The following LRRC40 variants were observed in gnomAD, a reference collection of about 807,000 sequenced individuals.
The protein encoded by LRRC40 is leucine rich repeat containing 40, also known as leucine-rich repeat-containing protein 40.
Under a neutral mutation model 72.8 loss-of-function variants are expected in LRRC40, and 76 were observed. The observed-to-expected ratio is 1.04, with a 90% CI of 0.87 to 1.26. The LOEUF is 1.26. LRRC40 is among the 50% of genes most tolerant of loss of function. The probability of loss-of-function intolerance (pLI) is 0.00; values close to 1 mark genes in which losing one functional copy is unlikely to be tolerated. For synonymous variants in LRRC40, 243 were observed against 254.2 expected (o/e 0.96, Z 0.42); for missense variants, 684 against 698.9 (o/e 0.98, Z 0.24).
intron 1 of LRRC40, among the ~76,000 whole-genome samples, chr1:70,196,726 T>C (rs923075372): frequency 1.3e-5 from 2 of 152,148 alleles, no homozygotes; most frequent in Admixed American, 6.5e-5. Flanking sequence ...TCCGTAGTTA[T>C]GTGGAGCCAA....
intron 6 of LRRC40, among the ~76,000 whole-genome samples, chr1:70,176,192 A>G (rs1271482624): frequency 1.3e-5 from 2 of 152,192 alleles, no homozygotes; most frequent in Non-Finnish European, 2.9e-5. Context: ...TTTTTTGGCA[A>G]TTTAAAAATA....
intron 1 of LRRC40, among the ~76,000 whole-genome samples, chr1:70,198,735 T>C (rs1668668906): frequency 6.6e-6 from 1 of 152,210 alleles, no homozygotes; most frequent in Admixed American, 6.5e-5. Context: ...TATTAATTAA[T>C]AGTAGTCATA....
intron 4 of LRRC40, among the ~76,000 whole-genome samples, chr1:70,184,119 C>A (rs891038156): frequency 2.2e-4 from 34 of 152,070 alleles, no homozygotes; most frequent in African/African-American, 7.7e-4. Context: ...AGTAGAGGTG[C>A]ATGCCTGTAA....
chr1:70,179,162 C>T (rs946568264), intron 5 of LRRC40, among the ~76,000 whole-genome samples, 169 bp from the exon 6 acceptor site: 7 of 152,066 alleles, frequency 4.6e-5, no homozygotes, highest in African/African-American at 1.7e-4. Flanking sequence ...AATTTTTCTA[C>T]ATTTAATTAT....
chr1:70,200,575 A>C lies in LRRC40; in HGVS notation c.151+4815T>G, dbSNP rs117430267. ...TGAAAATTTAAATTATTATTTGTTT[A>C]ACAAGTACAATTCTTAATAATAAAG... is the stretch of plus-strand genomic sequence containing the variant. On this transcript the variant is annotated intron_variant, in intron 1 of 14. Coordinates refer to ENST00000370952, the MANE Select transcript of LRRC40 (RefSeq NM_017768.5). 9.8e-5 allele frequency among the ~76,000 whole-genome samples: 15 copies of C among 152,360 alleles called. No individual in the cohort carries two copies. The East Asian group carries it at 2.9e-3, about 29-fold the overall frequency.
intron 9 of LRRC40, among the ~76,000 whole-genome samples, chr1:70,166,089 T>C (rs1214101929): frequency 6.6e-6 from 1 of 152,220 alleles, no homozygotes; most frequent in Non-Finnish European, 1.5e-5. Context: ...CTCCATATGA[T>C]TATCACAATT....
Position 70,175,865 on chromosome 1 carries a change from T to A in LRRC40, c.922A>T (p.Ile308Phe). The A allele has an allele frequency of 6.3e-7, 1 of 1,598,350 alleles. No homozygotes were observed. Among genetic ancestry groups the A allele is most frequent in the Non-Finnish European group, 8.5e-7 (1 of 1,174,530 alleles). The change falls in exon 7 of 15, where the codon ATT becomes TTT. Residue 308 changes from isoleucine to phenylalanine, a missense_variant. Ile to Phe is a conservative substitution (Grantham distance 21, BLOSUM62 0). Coordinates refer to ENST00000370952, the MANE Select transcript of LRRC40 (RefSeq NM_017768.5). The part of the protein sequence containing the change: ...DNKLKSVPDE[I>F]ILLRSLERLD... ...CTTTCCAAGGACCGTAGTAGTATAA[T>A]TTCATCTGGAACAGATTTTAACTTG...
At chr1:70,202,510 T>C (rs1399193490) in intron 1 of LRRC40, among the ~76,000 whole-genome samples, 1 of 152,182 alleles carries the variant, frequency 6.6e-6, no homozygotes, top group East Asian at 1.9e-4. Context: ...AAAAGATCAC[T>C]GGTTGCCCAC....
intron 12 of LRRC40, chr1:70,151,645 T>C (rs1447402090): frequency 6.6e-6 from 1 of 152,642 alleles, no homozygotes; most frequent in Non-Finnish European, 1.5e-5. Flanking sequence ...AAAAAGATTC[T>C]ATTAAGAGAT....
At chr1:70,170,702 T>C (rs1667982778) in intron 9 of LRRC40, among the ~76,000 whole-genome samples, 1 of 152,132 alleles carries the variant, frequency 6.6e-6, no homozygotes, top group African/African-American at 2.4e-5. Context: ...CTATAAAACA[T>C]TGTTTAAAGA....
chr1:70,185,682 C>T (rs577715138), intron 3 of LRRC40, among the ~76,000 whole-genome samples: 8 of 152,242 alleles, frequency 5.3e-5, no homozygotes, highest in Non-Finnish European at 8.8e-5. Flanking sequence ...CTTATATGTT[C>T]GGTTTTAAGG....
rs1667248253 is a variant in LRRC40, at chr1:70,144,976, TATA to T, written c.*821_*823del. 6.6e-6 allele frequency: 1 copy of T among 152,200 alleles called. No individual in the cohort carries two copies. Among genetic ancestry groups the T allele is most frequent in the Non-Finnish European group, 1.5e-5 (1 of 68,030 alleles). The allele number at this position is 152,200 out of a possible 1,614,324, so 9.4% of individuals were successfully genotyped here. On this transcript the variant is annotated 3_prime_UTR_variant, in exon 15 of 15. Coordinates refer to ENST00000370952, the MANE Select transcript of LRRC40 (RefSeq NM_017768.5). ...CTTAATAGAATCATATGGTAAGTGT[TATA>T]ATGACTAATCAACCTACTTCTGATA...
intron 11 of LRRC40, among the ~76,000 whole-genome samples, 154 bp downstream of exon 11, chr1:70,155,535 G>A (rs1051471218): frequency 1.3e-5 from 2 of 151,854 alleles, no homozygotes; most frequent in Non-Finnish European, 2.9e-5. Flanking sequence ...AATACTTAAT[G>A]ACATTTTGCT....
In LRRC40 at chr1:70,149,261, A is replaced by T. The variant is rs962701673; in HGVS notation, c.1518-589T>A. On this transcript the variant is annotated intron_variant, in intron 13 of 14. Transcript: ENST00000370952. ...GAGGACCCCGCAGGGCACAAAGGCT[A>T]GCACAGTTTTAGCATGAGGTGAACT... 7.9e-5 allele frequency among the ~76,000 whole-genome samples: 12 copies of T among 152,232 alleles called. No homozygotes were observed. The East Asian group carries it at 2.3e-3, about 29-fold the overall frequency.
rs1476337967 is a variant in LRRC40, at chr1:70,144,840, T to C, written c.*960A>G. The C allele has an allele frequency of 6.6e-6, 1 of 152,130 alleles. No homozygotes were observed. Among genetic ancestry groups the C allele is most frequent in the Non-Finnish European group, 1.5e-5 (1 of 68,020 alleles). 9.4% of individuals were successfully genotyped at this position (152,130 alleles called of 1,614,324 possible). On this transcript the variant is annotated 3_prime_UTR_variant, in exon 15 of 15. Coordinates refer to ENST00000370952, the MANE Select transcript of LRRC40 (RefSeq NM_017768.5). The stretch of plus-strand genomic sequence containing the variant: ...AAAAATGTAACTTTTATTCTGAACA[T>C]GTAGTATTTATCTTTATTAGCAATT...
chr1:70,146,577 G>A (rs1343958182), intron 14 of LRRC40, among the ~76,000 whole-genome samples: 2 of 152,164 alleles, frequency 1.3e-5, no homozygotes, highest in Non-Finnish European at 2.9e-5. Context: ...GCTACTAAAT[G>A]ATGGAGCTGT....
chr1:70,196,292 A>G lies in LRRC40; in HGVS notation c.152-7019T>C, dbSNP rs535168004. ...TGGCTGGGCGTGGTGGCTCATGCCC[A>G]TAATTGCAGCACTTTGGGAGACCAT... On this transcript the variant is annotated intron_variant, in intron 1 of 14. Coordinates refer to ENST00000370952, the MANE Select transcript of LRRC40 (RefSeq NM_017768.5). 4.6e-5 allele frequency among the ~76,000 whole-genome samples: 7 copies of G among 152,308 alleles called. No individual in the cohort carries two copies. The South Asian group carries it at 1.4e-3, about 32-fold the overall frequency.
intron 6 of LRRC40, among the ~76,000 whole-genome samples, chr1:70,178,192 A>G (rs1033885576): frequency 6.6e-6 from 1 of 152,154 alleles, no homozygotes; most frequent in Non-Finnish European, 1.5e-5. Flanking sequence ...TAACCTTTGC[A>G]TTGTTCAAGG....
chr1:70,189,298 GAAAAAAAAA>G, intron 1 of LRRC40, 25 bp from the exon 2 acceptor site: 13 of 761,882 alleles, frequency 1.7e-5, no homozygotes, highest in South Asian at 1.5e-4. Context: ...ACCACACCAG[GAAAAAAAAA>G]AAAAAAAAAA....
Sources: allele counts gnomAD v4.1 joint callset (sites outside exome capture counted in the v4.1 genomes callset), GRCh38; gene constraint gnomAD v4.1.1; transcripts MANE v1.5; gene names NCBI Gene and HGNC (gene_info 2026-07-23, HGNC 2026-07-21).